CCDC14: variants seen among roughly 807,000 people sequenced by gnomAD.
CCDC14 encodes the protein coiled-coil domain containing 14.
A neutral mutation model predicts 81.4 loss-of-function variants in CCDC14; 71 were observed. That is an observed-to-expected ratio of 0.87 (90% CI 0.72 to 1.06). CCDC14 has a LOEUF of 1.06. Ranked by LOEUF, CCDC14 falls within the 50% of genes least tolerant of loss-of-function variation. The pLI, the probability that CCDC14 is intolerant of heterozygous loss-of-function variation, is 0.00. For missense variants in CCDC14, 1,046 were observed against 1,047.3 expected (o/e 1.00, Z 0.02); for synonymous variants, 332 against 364.8 (o/e 0.91, Z 1.03).
In CCDC14 at chr3:123,914,565, C is replaced by A; in HGVS notation, c.*214G>T. 2 of 1,228,516 alleles carry A rather than the reference C, an allele frequency of 1.6e-6. No individual in the cohort carries two copies. The highest frequency in any genetic ancestry group is 2.9e-5 in the South Asian group (1 of 34,248). The allele number at this position is 1,228,516 out of a possible 1,614,324, so 76.1% of individuals were successfully genotyped here. ...TACTTACAATAATTTCCTAGTTATC[C>A]ACAACTTTCTTCTTGTAGCAATTGT... On this transcript the variant is annotated 3_prime_UTR_variant, in exon 13 of 13. Transcript: ENST00000409697.
rs781422389 is a variant in CCDC14, at chr3:123,946,908, T to A, written c.1096A>T (p.Thr366Ser). 1.2e-6 allele frequency: 2 copies of A among 1,613,834 alleles called. No individual in the cohort carries two copies. The highest frequency in any genetic ancestry group is 1.7e-6 in the Non-Finnish European group (2 of 1,179,866). Residue 366 changes from threonine to serine, a missense_variant, in exon 8 of 13, where the codon ACA (threonine) becomes TCA (serine). Transcript: ENST00000409697. Reference sequence around the variant, plus strand: ...TTTGCCTTCTGTACATCCTTCACTGTTTTTGTATCTCGCACATGTATGTTT... The same window carrying A: ...TTTGCCTTCTGTACATCCTTCACTGATTTTGTATCTCGCACATGTATGTTT... ...DLNIHVRDTK[T>S]VKDVQKAKNV...
intron 12 of CCDC14, among the ~76,000 whole-genome samples, chr3:123,917,932 T>C (rs1246250143): frequency 1.3e-5 from 2 of 152,156 alleles, no homozygotes; most frequent in Non-Finnish European, 2.9e-5. Context: ...GATGGACATA[T>C]ATATCTTTAT....
intron 12 of CCDC14, among the ~76,000 whole-genome samples, chr3:123,926,977 G>C (rs2035399262): frequency 6.6e-6 from 1 of 152,150 alleles, no homozygotes; most frequent in Non-Finnish European, 1.5e-5. Flanking sequence ...AATTAAAATG[G>C]TCACAGCAAT....
chr3:123,911,695 T>C (rs1011522411), downstream of CCDC14, among the ~76,000 whole-genome samples: 5 of 152,194 alleles, frequency 3.3e-5, no homozygotes, highest in Admixed American at 2.0e-4. Context: ...GAGCCTATAA[T>C]AGTAACTGGC....
chr3:123,943,119 CATACACATATAT>C (rs1174854143), intron 9 of CCDC14, among the ~76,000 whole-genome samples: 11 of 151,526 alleles, frequency 7.3e-5, no homozygotes, highest in Non-Finnish European at 1.2e-4. Context: ...CATATACATA[CATACACATATAT>C]ATACGTATAT....
chr3:123,928,484 C>T (rs924864472), intron 12 of CCDC14, among the ~76,000 whole-genome samples: 2 of 151,632 alleles, frequency 1.3e-5, no homozygotes, highest in Non-Finnish European at 2.9e-5. Context: ...CCAGCCTGGG[C>T]GACAGAGTGA....
intron 5 of CCDC14, among the ~76,000 whole-genome samples, chr3:123,908,319 G>A (rs2034366721): frequency 1.3e-5 from 2 of 152,096 alleles, no homozygotes; most frequent in African/African-American, 4.8e-5. Flanking sequence ...CATTTGGGAG[G>A]CACTGGGGCT....
intron 5 of CCDC14, among the ~76,000 whole-genome samples, chr3:123,906,089 G>A (rs1463333176): frequency 6.6e-6 from 1 of 152,146 alleles, no homozygotes; most frequent in South Asian, 2.1e-4. Context: ...CAGCACTTTG[G>A]GAGGCCAAGG....
chr3:123,947,009 G>T lies in CCDC14; in HGVS notation c.995C>A (p.Pro332Gln). 6.2e-7 allele frequency: 1 copy of T among 1,613,964 alleles called. No individual in the cohort carries two copies. Among genetic ancestry groups the T allele is most frequent in the Non-Finnish European group, 8.5e-7 (1 of 1,179,858 alleles). Residue 332 changes from proline (P) to glutamine (Q), a missense_variant, in exon 8 of 13, where the codon CCA becomes CAA. Transcript: ENST00000409697. ...TTCTTCATTAGTGGCCAAGAAAGCTGGTTGTGACTGAGTAGGGCTTCGGTG... is the reference window on the plus strand; with the variant it reads ...TTCTTCATTAGTGGCCAAGAAAGCTTGTTGTGACTGAGTAGGGCTTCGGTG... The part of the protein sequence containing the change: ...QTHRSPTQSQ[P>Q]AFLATNEEKC...
chr3:123,886,729 A>G, the CCDC14 span, among the ~76,000 whole-genome samples: 1 of 152,142 alleles, frequency 6.6e-6, no homozygotes, highest in Admixed American at 6.5e-5. Flanking sequence ...AAATTTTAAG[A>G]TAACAATATG....
At chr3:123,942,226 T>A (rs544319359) in intron 9 of CCDC14, among the ~76,000 whole-genome samples, 2 of 152,150 alleles carry the variant, frequency 1.3e-5, no homozygotes, top group Admixed American at 6.6e-5. Flanking sequence ...CATTTCCTCA[T>A]CTGTAAATGC....
chr3:123,945,131 T>C (rs1470669153), intron 8 of CCDC14, 141 bp from the exon 9 acceptor site: 1 of 473,984 alleles, frequency 2.1e-6, no homozygotes, highest in Non-Finnish European at 3.5e-6. Flanking sequence ...AAATTTATTA[T>C]ACAGGTTCCA....
At chr3:123,935,062 A>C (rs13089785) in intron 9 of CCDC14, among the ~76,000 whole-genome samples, 70,167 of 151,926 alleles carry the variant, frequency 0.46, 18,786 homozygotes, top group Non-Finnish European at 0.63. Flanking sequence ...CAAGGGGTCC[A>C]TAACATTTAA....
chr3:123,891,897 A>G, the CCDC14 span, among the ~76,000 whole-genome samples: 1 of 152,206 alleles, frequency 6.6e-6, no homozygotes, highest in Non-Finnish European at 1.5e-5. Context: ...GACTGGGAAG[A>G]AAGAGAGGTT....
intron 12 of CCDC14, among the ~76,000 whole-genome samples, chr3:123,921,636 TAC>T (rs1253643050): frequency 6.6e-6 from 1 of 152,188 alleles, no homozygotes; most frequent in Non-Finnish European, 1.5e-5. Context: ...GGTCTCAAAT[TAC>T]ACTTTAGACC....
At chr3:123,952,317 T>C (rs1282371721) in intron 5 of CCDC14, among the ~76,000 whole-genome samples, 1 of 152,142 alleles carries the variant, frequency 6.6e-6, no homozygotes, top group Admixed American at 6.6e-5. Flanking sequence ...CCTACTATAA[T>C]TTGAAATACG....
rs1432530661 is a variant in CCDC14, at chr3:123,956,117, T to C, written c.160-2A>G. 5.2e-6 allele frequency: 8 copies of C among 1,540,342 alleles called. No individual in the cohort carries two copies. The highest frequency in any genetic ancestry group is 1.4e-5 in the African/African-American group (1 of 72,414). ...ATCAAGCCCGTGTACAGTTTCAGCC[T>C]GTAAGAAATAAAGTCATTTAGAATA... is the stretch of plus-strand genomic sequence containing the variant. On this transcript the variant is annotated splice_acceptor_variant, in intron 3 of 12. Transcript: ENST00000409697. LOFTEE classifies it high-confidence loss of function.
downstream of CCDC14, chr3:123,913,304 T>C (rs1406885534): frequency 1.2e-6 from 1 of 847,426 alleles, no homozygotes; most frequent in Non-Finnish European, 1.4e-6. Flanking sequence ...AAAATTTCCT[T>C]TGCATATAAG....
downstream of CCDC14, among the ~76,000 whole-genome samples, chr3:123,909,192 G>A (rs1188565582): frequency 6.6e-6 from 1 of 152,134 alleles, no homozygotes; most frequent in East Asian, 1.9e-4. Context: ...AGGATGGTGG[G>A]ATGAAAATAT....
Sources: gnomAD v4.1 joint callset for allele counts (sites outside exome capture counted in the v4.1 genomes callset) on GRCh38, gnomAD v4.1.1 for gene constraint, MANE v1.5 for transcripts, NCBI Gene and HGNC (gene_info 2026-07-23, HGNC 2026-07-21) for gene names.